The following NREP variants were observed in gnomAD, a reference collection of about 807,000 sequenced individuals.
NREP encodes neuronal regeneration related protein.
NREP carries 5 observed loss-of-function variants against 8.6 expected under a neutral mutation model. The observed-to-expected ratio is 0.58, with a 90% CI of 0.30 to 1.22. The LOEUF is 1.22. NREP is among the 50% of genes most tolerant of loss of function. NREP has a pLI of 0.07. For missense variants in NREP, 86 were observed against 82.5 expected (o/e 1.04, Z -0.17); for synonymous variants, 27 against 28.0 (o/e 0.96, Z 0.11).
chr5:111,943,461 C>G (rs956091719), intron 2 of NREP, among the ~76,000 whole-genome samples: 1 of 152,032 alleles, frequency 6.6e-6, no homozygotes, highest in African/African-American at 2.4e-5. Context: ...CAAATGATTA[C>G]TCTTAAACCT....
chr5:111,781,360 T>C (rs765939353), intron 2 of NREP, among the ~76,000 whole-genome samples: 1 of 152,034 alleles, frequency 6.6e-6, no homozygotes, highest in Non-Finnish European at 1.5e-5. Flanking sequence ...CCATGCAACA[T>C]GGAAAGGCCA....
At chr5:111,909,066 A>G (rs1168047785) in intron 2 of NREP, among the ~76,000 whole-genome samples, 3 of 151,910 alleles carry the variant, frequency 2.0e-5, no homozygotes, top group African/African-American at 7.3e-5. Flanking sequence ...CCACTTTTTA[A>G]TGGGGCTTTT....
At chr5:111,975,694 C>A (rs1756943546) in intron 1 of NREP, among the ~76,000 whole-genome samples, 2 of 152,122 alleles carry the variant, frequency 1.3e-5, no homozygotes, top group Admixed American at 1.3e-4. Flanking sequence ...CATAGATATT[C>A]ATTAAAATTT....
intron 2 of NREP, among the ~76,000 whole-genome samples, chr5:111,832,563 G>C (rs1314269273): frequency 5.3e-5 from 8 of 152,196 alleles, no homozygotes; most frequent in South Asian, 4.2e-4. Context: ...CATCCTGGAG[G>C]CTTCCTCAGG....
chr5:111,731,366 A>AGAT (rs913240915), intron 3 of NREP, among the ~76,000 whole-genome samples: 1 of 151,408 alleles, frequency 6.6e-6, no homozygotes, highest in Non-Finnish European at 1.5e-5. Context: ...TTCTAGTATC[A>AGAT]GATAGGGCCC....
chr5:111,907,628 T>C (rs536048496), intron 2 of NREP, among the ~76,000 whole-genome samples: 1 of 152,238 alleles, frequency 6.6e-6, no homozygotes, highest in African/African-American at 2.4e-5. Flanking sequence ...CCCTTAATAA[T>C]AGCACAAATA....
intron 2 of NREP, among the ~76,000 whole-genome samples, chr5:111,957,008 T>A (rs2112645443): frequency 7.0e-6 from 1 of 142,090 alleles, no homozygotes; most frequent in Non-Finnish European, 1.6e-5. Flanking sequence ...AAATGCCAGT[T>A]AAGTACAATG....
At chr5:111,753,114 A>G (rs1436186503) in intron 2 of NREP, among the ~76,000 whole-genome samples, 1 of 151,876 alleles carries the variant, frequency 6.6e-6, no homozygotes, top group Non-Finnish European at 1.5e-5. Flanking sequence ...GAAAACAAAA[A>G]GTTGGAGAAT....
In NREP at chr5:111,839,607, A is replaced by C. The variant is rs140664538; in HGVS notation, c.136-104100T>G. Among the ~76,000 whole-genome samples, 812 of 152,098 alleles carry C rather than the reference A, an allele frequency of 5.3e-3. 13 individuals are homozygous for C. The highest frequency in any genetic ancestry group is 0.019 in the African/African-American group (775 of 41,498). On this transcript the variant is annotated intron_variant, in intron 2 of 3. Transcript: ENST00000395634. ...ATGAAGTGTTGGTGACCTTTCTGTTATGGTTACCGTTATTGCTATGGGGAT... is the reference window on the plus strand; with the variant it reads ...ATGAAGTGTTGGTGACCTTTCTGTTCTGGTTACCGTTATTGCTATGGGGAT...
In NREP at chr5:111,853,391, G is replaced by A. The variant is rs551124281; in HGVS notation, c.136-117884C>T. 7.4e-5 allele frequency among the ~76,000 whole-genome samples: 10 copies of A among 135,888 alleles called. 1 individual carries two copies. The highest frequency in any genetic ancestry group is 5.0e-4 in the South Asian group (2 of 4,002). The allele number at this position is 135,888 out of a possible 152,430, so 89.1% of individuals were successfully genotyped here. A position where few individuals can be genotyped will look rare whatever the true frequency, so the allele number is the denominator to read the frequency against. ...GTGAACCCTAATGTAAACTATAATCGTTAATAATAATGTATAAATATTGGC... is the reference window on the plus strand; with the variant it reads ...GTGAACCCTAATGTAAACTATAATCATTAATAATAATGTATAAATATTGGC... On this transcript the variant is annotated intron_variant, in intron 2 of 3. Transcript: ENST00000395634.
intron 2 of NREP, among the ~76,000 whole-genome samples, chr5:111,847,839 A>G (rs752689123): frequency 2.0e-5 from 3 of 152,244 alleles, no homozygotes; most frequent in Admixed American, 1.3e-4. Context: ...ATTCATATCC[A>G]TAAGCTAGCC....
At chr5:111,904,528 G>T (rs1754730604) in intron 2 of NREP, among the ~76,000 whole-genome samples, 1 of 151,952 alleles carries the variant, frequency 6.6e-6, no homozygotes, top group Non-Finnish European at 1.5e-5. Context: ...TTTTCAGGCT[G>T]TTTTCTCTCA....
At chr5:111,935,350 C>T (rs1225037063) in intron 2 of NREP, among the ~76,000 whole-genome samples, 1 of 152,016 alleles carries the variant, frequency 6.6e-6, no homozygotes, top group Non-Finnish European at 1.5e-5. Flanking sequence ...GCAGAGAGGA[C>T]CAATGGACCT....
chr5:111,966,223 C>T (rs1325942351), intron 2 of NREP, among the ~76,000 whole-genome samples: 1 of 152,164 alleles, frequency 6.6e-6, no homozygotes, highest in Non-Finnish European at 1.5e-5. Flanking sequence ...AAGAATTTGT[C>T]TTTAAGAAAT....
chr5:111,787,927 G>A (rs1751649104), intron 2 of NREP, among the ~76,000 whole-genome samples: 3 of 152,034 alleles, frequency 2.0e-5, no homozygotes, highest in South Asian at 4.1e-4. Context: ...GTGAGACCAT[G>A]TCTCTACAGA....
At chr5:111,736,207 G>A (rs1371568783) in intron 2 of NREP, among the ~76,000 whole-genome samples, 1 of 152,162 alleles carries the variant, frequency 6.6e-6, no homozygotes. Flanking sequence ...TGACAGGAGA[G>A]GGGAAAGGCC....
At chr5:111,939,645 T>C (rs1260948922) in intron 2 of NREP, among the ~76,000 whole-genome samples, 2 of 152,100 alleles carry the variant, frequency 1.3e-5, no homozygotes, top group Non-Finnish European at 2.9e-5. Flanking sequence ...TTTCAGCTCT[T>C]ACCGTAAACA....
intron 2 of NREP, among the ~76,000 whole-genome samples, chr5:111,914,707 G>A (rs1213211421): frequency 6.6e-6 from 1 of 152,040 alleles, no homozygotes; most frequent in East Asian, 1.9e-4. Flanking sequence ...CTTTGTCTCA[G>A]TGTTAATGTT....
intron 2 of NREP, among the ~76,000 whole-genome samples, chr5:111,808,358 T>A (rs937146190): frequency 6.6e-6 from 1 of 152,162 alleles, no homozygotes; most frequent in African/African-American, 2.4e-5. Context: ...TGCTGAACAT[T>A]TGGTGTTTAA....
Sources: gnomAD v4.1 joint callset for allele counts (sites outside exome capture counted in the v4.1 genomes callset) on GRCh38, gnomAD v4.1.1 for gene constraint, MANE v1.5 for transcripts, NCBI Gene and HGNC (gene_info 2026-07-23, HGNC 2026-07-21) for gene names.